Variants in KCNH5 observed in about 807,000 individuals in gnomAD.
KCNH5 encodes the protein potassium voltage-gated channel subfamily H member 5.
In KCNH5, 46 loss-of-function variants were observed where a neutral mutation model predicts 96.1. The ratio of observed to expected loss-of-function variants is 0.48; its 90% confidence interval spans 0.38 to 0.61. The LOEUF is 0.61. Ranked by LOEUF, KCNH5 falls within the 20% of genes least tolerant of loss-of-function variation. The pLI, the probability that KCNH5 is intolerant of heterozygous loss-of-function variation, is 0.00. For missense variants in KCNH5, 907 were observed against 1,225.8 expected (o/e 0.74, Z 3.88); for synonymous variants, 439 against 449.8 (o/e 0.98, Z 0.30).
chr14:62,995,328 C>T (rs1890886946), intron 4 of KCNH5, among the ~76,000 whole-genome samples: 1 of 152,050 alleles, frequency 6.6e-6, no homozygotes, highest in Non-Finnish European at 1.5e-5. Flanking sequence ...TATAGATTCA[C>T]TTGTCTGTCC....
intron 7 of KCNH5, among the ~76,000 whole-genome samples, chr14:62,862,893 G>A (rs185164012): frequency 1.1e-3 from 169 of 152,228 alleles, no homozygotes; most frequent in Middle Eastern, 6.8e-3. Flanking sequence ...AATGGGTGTG[G>A]ATTTAGGTCA....
chr14:62,867,665 C>A (rs1364183364), intron 7 of KCNH5, among the ~76,000 whole-genome samples: 1 of 152,092 alleles, frequency 6.6e-6, no homozygotes, highest in Non-Finnish European at 1.5e-5. Context: ...TGAAAAGTTT[C>A]CAGGGGCTCT....
intron 1 of KCNH5, among the ~76,000 whole-genome samples, chr14:63,020,006 C>T (rs900031576): frequency 1.3e-5 from 2 of 151,972 alleles, no homozygotes; most frequent in African/African-American, 2.4e-5. Context: ...TCAAAATAAG[C>T]AAGTAACTTA....
intron 3 of KCNH5, among the ~76,000 whole-genome samples, chr14:63,004,834 G>A (rs1000383270): frequency 6.6e-6 from 1 of 152,070 alleles, no homozygotes; most frequent in African/African-American, 2.4e-5. Context: ...TATTTTTTGA[G>A]AAACTCAGGA....
intron 6 of KCNH5, among the ~76,000 whole-genome samples, chr14:62,956,638 G>T (rs1204580324): frequency 6.7e-6 from 1 of 150,270 alleles, no homozygotes; most frequent in African/African-American, 2.5e-5. Context: ...GGGCGGGGGG[G>T]GGCAGGGAGT....
rs372945480 is a variant in KCNH5, at chr14:62,909,102, G to A, written c.1369+41031C>T. On this transcript the variant is annotated intron_variant, in intron 7 of 10. Transcript: ENST00000322893. ...GCTCTGTCGCCCAGGCTGGAGTGCA[G>A]TGGCGGGATCTCGGCTCACTGCAAG... Among the ~76,000 whole-genome samples, 220 of 123,294 alleles carry A rather than the reference G, an allele frequency of 1.8e-3. 6 individuals carry two copies. The highest frequency in any genetic ancestry group is 6.8e-3 in the African/African-American group (210 of 31,068). The allele number at this position is 123,294 out of a possible 152,430, so 80.9% of individuals were successfully genotyped here. A position where few individuals can be genotyped will look rare whatever the true frequency, so the allele number is the denominator to read the frequency against.
At chr14:62,736,393 C>T (rs556808881) in intron 10 of KCNH5, among the ~76,000 whole-genome samples, 1,385 of 127,944 alleles carry the variant, frequency 0.011, 23 homozygotes, top group African/African-American at 0.037. Context: ...CTAAAGTTCA[C>T]CTTAATAAAA....
At chr14:62,977,621 A>G (rs1890526871) in intron 6 of KCNH5, among the ~76,000 whole-genome samples, 3 of 152,196 alleles carry the variant, frequency 2.0e-5, no homozygotes, top group Admixed American at 6.5e-5. Context: ...AAAAAATTTG[A>G]AAATGGTTGC....
At chr14:62,791,697 T>C (rs921747773) in intron 9 of KCNH5, among the ~76,000 whole-genome samples, 2 of 151,682 alleles carry the variant, frequency 1.3e-5, no homozygotes, top group Non-Finnish European at 3.0e-5. Flanking sequence ...TATTTAATGT[T>C]AAAGGCATCA....
chr14:62,766,499 A>G (rs951204711), intron 10 of KCNH5, among the ~76,000 whole-genome samples: 2 of 152,192 alleles, frequency 1.3e-5, no homozygotes, highest in Non-Finnish European at 2.9e-5. Context: ...TTCATCCATG[A>G]TAAAGAATGA....
chr14:62,731,729 T>A (rs906905598), intron 10 of KCNH5, among the ~76,000 whole-genome samples: 2 of 152,202 alleles, frequency 1.3e-5, no homozygotes, highest in African/African-American at 4.8e-5. Context: ...ATATATTTTT[T>A]AAAAATAGCC....
intron 10 of KCNH5, among the ~76,000 whole-genome samples, chr14:62,744,452 T>C (rs1420762194): frequency 6.6e-6 from 1 of 152,174 alleles, no homozygotes; most frequent in Non-Finnish European, 1.5e-5. Context: ...GAGATTAAGG[T>C]GGGCACTCAA....
At chr14:62,871,902 ATTGT>A (rs1278679256) in intron 7 of KCNH5, among the ~76,000 whole-genome samples, 1 of 152,180 alleles carries the variant, frequency 6.6e-6, no homozygotes. Flanking sequence ...AGACTGAGTC[ATTGT>A]TTGTGTTCAG....
intron 7 of KCNH5, among the ~76,000 whole-genome samples, chr14:62,909,704 G>A (rs1285281612): frequency 5.3e-5 from 8 of 151,602 alleles, no homozygotes; most frequent in Admixed American, 2.6e-4. Context: ...TGCTTCCTTT[G>A]CTCACCCGCC....
At chr14:62,852,915 C>T (rs563804863) in intron 7 of KCNH5, among the ~76,000 whole-genome samples, 1 of 152,184 alleles carries the variant, frequency 6.6e-6, no homozygotes, top group Non-Finnish European at 1.5e-5. Flanking sequence ...CTCTAAACTG[C>T]TAACTCTCAA....
intron 9 of KCNH5, among the ~76,000 whole-genome samples, chr14:62,792,710 G>A (rs181988921): frequency 6.6e-6 from 1 of 151,606 alleles, no homozygotes; most frequent in African/African-American, 2.4e-5. Flanking sequence ...AATAATGGCT[G>A]TCTTTTCTAC....
chr14:62,719,622 G>T (rs868509678), intron 10 of KCNH5, among the ~76,000 whole-genome samples: 13 of 152,216 alleles, frequency 8.5e-5, no homozygotes, highest in Admixed American at 3.9e-4. Context: ...GTACAGAATG[G>T]CTAGATTGGT....
chr14:62,928,372 A>T (rs971833378), intron 7 of KCNH5, among the ~76,000 whole-genome samples: 1 of 152,236 alleles, frequency 6.6e-6, no homozygotes, highest in East Asian at 1.9e-4. Context: ...TAGTTGCAGG[A>T]CCTTACCAAA....
At chr14:62,772,559 C>T (rs1259047135) in intron 10 of KCNH5, among the ~76,000 whole-genome samples, 5 of 147,484 alleles carry the variant, frequency 3.4e-5, no homozygotes, top group Non-Finnish European at 4.4e-5. Flanking sequence ...ATTGCTTGAA[C>T]CTGGGAGGTG....
Sources: gnomAD v4.1 joint callset for allele counts (sites outside exome capture counted in the v4.1 genomes callset) on GRCh38, gnomAD v4.1.1 for gene constraint, MANE v1.5 for transcripts, NCBI Gene and HGNC (gene_info 2026-07-23, HGNC 2026-07-21) for gene names.